The following ACTMAP variants were observed in gnomAD, a reference collection of about 807,000 sequenced individuals.
ACTMAP encodes the protein actin maturation protease.
chr19:40,745,714 CCA>C, the ACTMAP span, among the ~76,000 whole-genome samples: 4 of 152,068 alleles, frequency 2.6e-5, no homozygotes, highest in African/African-American at 9.7e-5. Context: ...CTCGTTTTGC[CCA>C]TACTGGAGTG....
the ACTMAP span, chr19:40,742,872 G>C: frequency 8.5e-7 from 1 of 1,170,342 alleles, no homozygotes. Context: ...GGTGGGTGCA[G>C]CTGCCATTCC....
chr19:40,749,336 C>T, the ACTMAP span: 1 of 833,578 alleles, frequency 1.2e-6, no homozygotes, highest in South Asian at 1.8e-5. Flanking sequence ...GCTGGAGGCA[C>T]ACCACCATGG....
At chr19:40,743,148 T>C in the ACTMAP span, among the ~76,000 whole-genome samples, 2 of 152,020 alleles carry the variant, frequency 1.3e-5, no homozygotes, top group South Asian at 4.1e-4. Flanking sequence ...CGGACCAACC[T>C]GGCCTTCTTT....
the ACTMAP span, chr19:40,742,341 C>T: frequency 7.7e-7 from 1 of 1,299,278 alleles, no homozygotes; most frequent in South Asian, 1.5e-5. Flanking sequence ...TGAGACCTAG[C>T]TTCAATCTTG....
At chr19:40,749,482 G>A in the ACTMAP span, 39 of 1,510,360 alleles carry the variant, frequency 2.6e-5, no homozygotes, top group Non-Finnish European at 3.3e-5. Flanking sequence ...AGACCCTACC[G>A]GTCCTTGTGT....
chr19:40,749,716 G>C, the ACTMAP span: 1 of 1,514,632 alleles, frequency 6.6e-7, no homozygotes, highest in East Asian at 2.5e-5. Context: ...GGGGGTAGAG[G>C]AGGAGATGGA....
chr19:40,746,560 A>G, the ACTMAP span, among the ~76,000 whole-genome samples: 1 of 152,034 alleles, frequency 6.6e-6, no homozygotes, highest in Non-Finnish European at 1.5e-5. Context: ...TATTTTTAGT[A>G]GCAACAGGGT....
the ACTMAP span, chr19:40,742,369 G>A: frequency 7.2e-7 from 1 of 1,381,264 alleles, no homozygotes; most frequent in South Asian, 1.5e-5. Context: ...CACACAGTGG[G>A]AGAAGTGTAG....
the ACTMAP span, chr19:40,742,246 G>T: frequency 1.4e-6 from 1 of 727,772 alleles, no homozygotes; most frequent in Non-Finnish European, 2.4e-6. Context: ...GCAGGGTCCG[G>T]GCTGTTGTCA....
chr19:40,745,777 G>A, the ACTMAP span, among the ~76,000 whole-genome samples: 9 of 151,970 alleles, frequency 5.9e-5, no homozygotes, highest in Non-Finnish European at 1.2e-4. Flanking sequence ...GGTTCAAGTG[G>A]GTCTCCTGCC....
At chr19:40,749,687 T>C in the ACTMAP span, 4 of 1,533,668 alleles carry the variant, frequency 2.6e-6, no homozygotes, top group Non-Finnish European at 2.6e-6. Context: ...ATGGTAAAGC[T>C]GAAAAGTCCA....
the ACTMAP span, chr19:40,744,967 T>C: frequency 1.2e-6 from 1 of 865,806 alleles, no homozygotes; most frequent in Non-Finnish European, 1.8e-6. Flanking sequence ...CTATGTTTAC[T>C]ATGCAGGCAC....
the ACTMAP span, among the ~76,000 whole-genome samples, chr19:40,748,201 C>T: frequency 1.3e-4 from 20 of 152,178 alleles, no homozygotes; most frequent in Middle Eastern, 3.4e-3. Flanking sequence ...CAGTGGCTCA[C>T]GCCTGTAATC....
the ACTMAP span, chr19:40,745,204 G>A: frequency 6.4e-7 from 1 of 1,551,802 alleles, no homozygotes; most frequent in African/African-American, 1.4e-5. Flanking sequence ...GGAACCTGAA[G>A]CAGAGCCGTG....
chr19:40,749,512 C>T, the ACTMAP span: 12 of 1,546,764 alleles, frequency 7.8e-6, no homozygotes, highest in Non-Finnish European at 1.0e-5. Context: ...AGCCTCTTCA[C>T]ATCTTCTCTG....
chr19:40,744,998 T>C, the ACTMAP span: 5 of 1,122,170 alleles, frequency 4.5e-6, no homozygotes, highest in African/African-American at 4.7e-5. Context: ...GAGTGGAAAG[T>C]TCCCCCTTTC....
At chr19:40,749,766 A>C in the ACTMAP span, 2 of 1,476,660 alleles carry the variant, frequency 1.4e-6, no homozygotes, top group Non-Finnish European at 1.8e-6. Flanking sequence ...TGGAGGAGAA[A>C]TTGGTGGTTT....
the ACTMAP span, chr19:40,743,966 CTCG>C: frequency 6.2e-7 from 1 of 1,614,046 alleles, no homozygotes; most frequent in Non-Finnish European, 8.5e-7. Flanking sequence ...GGTTGAAGTC[CTCG>C]TCGTAGCTGG....
At chr19:40,749,704 T>C in the ACTMAP span, 10 of 1,522,234 alleles carry the variant, frequency 6.6e-6, no homozygotes, top group African/African-American at 1.4e-5. Flanking sequence ...TCCAGGGGAC[T>C]TGGGGGTAGA....
Sources: allele counts gnomAD v4.1 joint callset (sites outside exome capture counted in the v4.1 genomes callset), GRCh38; gene constraint gnomAD v4.1.1; transcripts MANE v1.5; gene names NCBI Gene and HGNC (gene_info 2026-07-23, HGNC 2026-07-21).